Variants in CCDC88C observed in about 807,000 individuals in gnomAD.
CCDC88C encodes the protein coiled-coil and HOOK domain protein 88C.
Under a neutral mutation model 198.8 loss-of-function variants are expected in CCDC88C, and 131 were observed. The ratio of observed to expected loss-of-function variants is 0.66; its 90% confidence interval spans 0.57 to 0.76. The LOEUF (loss-of-function observed/expected upper bound fraction) is 0.76, where lower values mean the gene tolerates loss of function less well. Ranked by LOEUF, CCDC88C falls within the 30% of genes least tolerant of loss-of-function variation. CCDC88C has a pLI of 0.00. For missense variants in CCDC88C, 2,553 were observed against 2,631.6 expected, an observed-to-expected ratio of 0.97 and a Z score of 0.65; for synonymous variants, 1,166 against 1,114.7, an observed-to-expected ratio of 1.05 and a Z score of -0.92.
intron 14 of CCDC88C, 131 bp downstream of exon 14, chr14:91,315,519 T>A: frequency 9.6e-7 from 1 of 1,045,288 alleles, no homozygotes; most frequent in African/African-American, 1.6e-5. Context: ...AATTGCTGAT[T>A]TAAGCTGTGG....
At chr14:91,315,434 CTT>C (rs1035602789) in intron 14 of CCDC88C, among the ~76,000 whole-genome samples, 11 of 152,158 alleles carry the variant, frequency 7.2e-5, no homozygotes, top group Non-Finnish European at 1.3e-4. Context: ...TCAAAAATGT[CTT>C]GAGACATTGC....
At chr14:91,341,533 C>T (rs1304701725) in intron 6 of CCDC88C, among the ~76,000 whole-genome samples, 1 of 152,236 alleles carries the variant, frequency 6.6e-6, no homozygotes, top group African/African-American at 2.4e-5. Context: ...GAGTCCTGTG[C>T]TCAGCTGCCT....
intron 3 of CCDC88C, chr14:91,384,692 C>G: frequency 8.3e-6 from 3 of 359,884 alleles, no homozygotes; most frequent in South Asian, 6.4e-5. Context: ...CAGCTGCTCT[C>G]TCCAACACGT....
At chr14:91,370,190 GC>G in intron 3 of CCDC88C, among the ~76,000 whole-genome samples, 1 of 152,304 alleles carries the variant, frequency 6.6e-6, no homozygotes, top group East Asian at 1.9e-4. Flanking sequence ...CCCTCTCTGA[GC>G]CACACCCTCA....
At position 91,352,956 on chromosome 14, in the gene CCDC88C, ACCCAG is replaced by A. The variant is rs2139890048; in HGVS notation, c.340+6681_340+6685del. 6.6e-6 allele frequency among the ~76,000 whole-genome samples: 1 copy of A among 152,312 alleles called. No individual in the cohort carries two copies. Among genetic ancestry groups the A allele is most frequent in the Admixed American group, 6.5e-5 (1 of 15,298 alleles). ...ATGGAGGTCAGTAAGCCTGGGGCAC[ACCCAG>A]CCCTCACAAGTTCCCCGGGGCCCCC... On this transcript the variant is annotated intron_variant, in intron 4 of 29. Transcript: ENST00000389857. This position sits in a 1 kb window ranked among gnomAD's most constrained non-coding sequence, Gnocchi z 4.2.
At chr14:91,283,728 A>G (rs1890294089) in intron 25 of CCDC88C, 2 of 589,408 alleles carry the variant, frequency 3.4e-6, no homozygotes, top group Admixed American at 3.0e-5. Context: ...CAGAGGCCCC[A>G]TGAGGATGGC....
chr14:91,331,958 G>T (rs1892851577), intron 10 of CCDC88C, among the ~76,000 whole-genome samples: 1 of 151,874 alleles, frequency 6.6e-6, no homozygotes, highest in Non-Finnish European at 1.5e-5. Context: ...TCTGCCCCTG[G>T]GTGTAGACTC....
At chr14:91,311,186 T>C (rs1370595470) in intron 15 of CCDC88C, among the ~76,000 whole-genome samples, 1 of 152,198 alleles carries the variant, frequency 6.6e-6, no homozygotes, top group Non-Finnish European at 1.5e-5. Context: ...GAGCAAGAAG[T>C]AAGCCTTGGC....
At position 91,276,116 on chromosome 14, in the gene CCDC88C, G is replaced by A. The variant is rs542098143; in HGVS notation, c.5058+1806C>T. On this transcript the variant is annotated intron_variant, in intron 29 of 29. Coordinates refer to ENST00000389857, the MANE Select transcript of CCDC88C (RefSeq NM_001080414.4). ...ATTACAGGCGTGAGCCACCGCGCCCGGCCAGACCAGTGGTTCTTAAACCAT... is the reference window on the plus strand; with the variant it reads ...ATTACAGGCGTGAGCCACCGCGCCCAGCCAGACCAGTGGTTCTTAAACCAT... Among the ~76,000 whole-genome samples the A allele has an allele frequency of 1.1e-4, 17 of 152,302 alleles. 3 individuals are homozygous for A. The South Asian group carries it at 3.1e-3, about 28-fold the overall frequency.
chr14:91,371,072 C>T lies in CCDC88C; in HGVS notation c.271-11361G>A, dbSNP rs914289292. ...AGGATGGAGAGAGCAGGACCCTTTC[C>T]CCACAGGACAGCACCTGCAGCAGTT... is the stretch of plus-strand genomic sequence containing the variant. On this transcript the variant is annotated intron_variant, in intron 3 of 29. Transcript: ENST00000389857. This position sits in a 1 kb window ranked among gnomAD's most constrained non-coding sequence, Gnocchi z 4.2. Among the ~76,000 whole-genome samples, 4 of 152,116 alleles carry T rather than the reference C, an allele frequency of 2.6e-5. No individual in the cohort carries two copies. Among genetic ancestry groups the T allele is most frequent in the South Asian group, 2.1e-4 (1 of 4,836 alleles).
intron 6 of CCDC88C, among the ~76,000 whole-genome samples, chr14:91,340,632 C>A (rs1468443929): frequency 4.6e-5 from 7 of 152,128 alleles, no homozygotes; most frequent in Non-Finnish European, 1.0e-4. Context: ...GGATCTGCCA[C>A]AGGAGACAGG....
Position 91,281,494 on chromosome 14 carries a change from T to C in CCDC88C, c.4662A>G (p.Pro1554=), listed in dbSNP as rs779260729. Residue 1554 remains proline, a synonymous_variant, in exon 27 of 30, where the codon CCA becomes CCG. Coordinates refer to ENST00000389857, the MANE Select transcript of CCDC88C (RefSeq NM_001080414.4). ...GYNSDDNLCE[P]SLEFEVPNHR... ...GGTTGGGGACCTCAAACTCCAGGGA[T>C]GGCTCACAGAGGTTGTCATCTGAGT... The C allele has an allele frequency of 1.9e-6, 3 of 1,613,964 alleles. No individual in the cohort carries two copies. The South Asian group carries it at 3.3e-5, about 18-fold the overall frequency.
intron 13 of CCDC88C, among the ~76,000 whole-genome samples, chr14:91,318,379 G>A (rs1175013667): frequency 3.3e-5 from 5 of 152,224 alleles, no homozygotes; most frequent in Middle Eastern, 3.4e-3. Context: ...TCACACTACC[G>A]CACTCCTGCC....
chr14:91,307,338 G>T, intron 17 of CCDC88C, 112 bp from the exon 18 acceptor site: 2 of 891,966 alleles, frequency 2.2e-6, no homozygotes, highest in Non-Finnish European at 3.6e-6. Flanking sequence ...CCCCATACTC[G>T]CCCGCCCTGG....
rs1228847947 is a variant in CCDC88C, at chr14:91,280,255, G to C, written c.4700-949C>G. ...GGAGCCTGCAGAAGAGACACCTGGG[G>C]TTCCTCTGCTCACTGTGCCACCAAG... On this transcript the variant is annotated intron_variant, in intron 27 of 29. Transcript: ENST00000389857. 3.3e-5 allele frequency among the ~76,000 whole-genome samples: 5 copies of C among 152,288 alleles called. No homozygotes were observed. The East Asian group carries it at 9.7e-4, about 29-fold the overall frequency.
chr14:91,302,404 C>T (rs1891338756), intron 20 of CCDC88C, among the ~76,000 whole-genome samples: 1 of 152,234 alleles, frequency 6.6e-6, no homozygotes, highest in South Asian at 2.1e-4. Flanking sequence ...AGGTGCACAT[C>T]ACACCTGCCC....
intron 13 of CCDC88C, among the ~76,000 whole-genome samples, 184 bp downstream of exon 13, chr14:91,320,936 C>A (rs1467336782): frequency 6.6e-6 from 1 of 152,186 alleles, no homozygotes; most frequent in Non-Finnish European, 1.5e-5. Flanking sequence ...CTCTGGCTCT[C>A]CCCAGTCCTC....
At chr14:91,353,258 T>G (rs1024782297) in intron 4 of CCDC88C, among the ~76,000 whole-genome samples, 1 of 152,182 alleles carries the variant, frequency 6.6e-6, no homozygotes, top group African/African-American at 2.4e-5. Flanking sequence ...CTAGAACACC[T>G]TTCCTCGCTT....
intron 15 of CCDC88C, among the ~76,000 whole-genome samples, chr14:91,310,665 C>T (rs968557338): frequency 6.6e-6 from 1 of 152,198 alleles, no homozygotes; most frequent in Admixed American, 6.5e-5. Flanking sequence ...CTACCTTGGT[C>T]TTCCAAAGTG....
Sources: gnomAD v4.1 joint callset for allele counts (sites outside exome capture counted in the v4.1 genomes callset) on GRCh38, gnomAD v4.1.1 for gene constraint, Gnocchi (gnomAD v3.1) non-coding constraint, MANE v1.5 for transcripts, NCBI Gene and HGNC (gene_info 2026-07-23, HGNC 2026-07-21) for gene names.